DBN1: variants seen among roughly 807,000 people sequenced by gnomAD.
DBN1 encodes drebrin.
In DBN1, 21 loss-of-function variants were observed where a neutral mutation model predicts 83.5. The ratio of observed to expected loss-of-function variants is 0.25; its 90% CI spans 0.18 to 0.36. The LOEUF (loss-of-function observed/expected upper bound fraction) is 0.36. Ranked by LOEUF, DBN1 falls within the 10% of genes least tolerant of loss-of-function variation. DBN1 has a pLI of 1.00. For missense variants in DBN1, 874 were observed against 935.7 expected, an observed-to-expected ratio of 0.93 and a Z score of 0.86; for synonymous variants, 381 against 384.9, an observed-to-expected ratio of 0.99 and a Z score of 0.12.
rs1351240585 is a variant in DBN1 at position 177,458,323 on chromosome 5, A to G, written c.1649T>C (p.Val550Ala). The change falls in exon 13 of 15, where the codon GTC becomes GCC. Residue 550 changes from valine (V) to alanine (A), a missense_variant. Physicochemically the swap from Val to Ala is moderately conservative, Grantham distance 64 (BLOSUM62 0). Around this residue, in one of 4 missense-constraint regions of DBN1, gnomAD observed 725 missense variants for 719.7 expected, o/e 1.01. Transcript: ENST00000393565. ...RAPTPPSGTE[V>A]TLAEVPLLDE... ...CAGCAGGGGCACCTCTGCCAGGGTG[A>G]CCTCAGTACCCGAGGGTGGCGTGGG... The G allele has an allele frequency of 6.2e-7, 1 of 1,612,618 alleles. No individual in the cohort carries two copies. Among genetic ancestry groups the G allele is most frequent in the East Asian group, 2.2e-5 (1 of 44,856 alleles).
At chr5:177,460,220 C>T (rs1264109778) in intron 10 of DBN1, among the ~76,000 whole-genome samples, 2 of 152,238 alleles carry the variant, frequency 1.3e-5, no homozygotes, top group Non-Finnish European at 2.9e-5. Context: ...CTAGCACTCC[C>T]CACTGTTCAG....
At chr5:177,472,275 G>GT in intron 1 of DBN1, 1 of 1,605,742 alleles carries the variant, frequency 6.2e-7, no homozygotes, top group South Asian at 1.1e-5. Context: ...CAGTGTGCGG[G>GT]TGAGGCCAGC....
intron 1 of DBN1, among the ~76,000 whole-genome samples, chr5:177,469,320 C>T (rs983854204): frequency 1.3e-5 from 2 of 151,942 alleles, no homozygotes; most frequent in African/African-American, 2.4e-5. Flanking sequence ...CTGCCCCTCC[C>T]CCGGGGAGGG....
Position 177,459,733 on chromosome 5 carries a change from C to A in DBN1, c.963G>T (p.Pro321=). The part of the protein sequence containing the change: ...PSPFNHRPGR[P]YCPFIKASDS... The stretch of plus-strand genomic sequence containing the variant: ...CCGATGCCTTTATGAAAGGGCAGTA[C>A]GGACGACCTGCCGAGAGAGACAGAC... Residue 321 remains proline, a synonymous_variant, in exon 11 of 15, where the codon CCG becomes CCT. Coordinates refer to ENST00000393565, the MANE Select transcript of DBN1 (RefSeq NM_001363541.2). The A allele has an allele frequency of 6.6e-7, 1 of 1,522,614 alleles. No homozygotes were observed. Among genetic ancestry groups the A allele is most frequent in the East Asian group, 2.4e-5 (1 of 41,366 alleles). 94.3% of individuals were successfully genotyped at this position (1,522,614 alleles called of 1,614,324 possible). A position where few individuals can be genotyped will look rare whatever the true frequency, so the allele number is the denominator to read the frequency against.
chr5:177,473,587 G>A lies in DBN1; in HGVS notation c.-66C>T, dbSNP rs1758006592. The A allele has an allele frequency of 7.9e-6, 9 of 1,135,826 alleles. No homozygotes were observed. The highest frequency in any genetic ancestry group is 9.0e-6 in the Non-Finnish European group (8 of 885,700). The allele number at this position is 1,135,826 out of a possible 1,614,324, so 70.4% of individuals were successfully genotyped here. A position where few individuals can be genotyped will look rare whatever the true frequency, so the allele number is the denominator to read the frequency against. On this transcript the variant is annotated 5_prime_UTR_variant, in exon 1 of 15. Transcript: ENST00000393565. ...GGACGGGCGGACGGAGGAGGAGGGA[G>A]GGAAAGAGGGAGTCGCCGCCGCCGC... is the stretch of plus-strand genomic sequence containing the variant.
In DBN1 at chr5:177,472,078, G is replaced by A. The variant is rs376559226; in HGVS notation, c.86+1358C>T. ...GCAGGGCTGGGACAATGGGTGGGCC[G>A]CCTGCCTGCTGAGCCTGTGCCGGCC... On this transcript the variant is annotated intron_variant, in intron 1 of 14. Transcript: ENST00000393565. 5.0e-5 allele frequency: 80 copies of A among 1,584,556 alleles called. No individual in the cohort carries two copies. The African/African-American group carries it at 6.8e-4, about 14-fold the overall frequency.
In DBN1 at chr5:177,473,449, T is replaced by C; in HGVS notation, c.73A>G (p.Ser25Gly). ...CGGGGGGCTCACCAGTCGGCCGCGC[T>C]CTCCTCTCGGATCACCTCCTCGTAA... ...AAYEEVIREE[S>G]AADWALYTYE... Residue 25 changes from serine (S) to glycine (G), a missense_variant, in exon 1 of 15, where the codon AGC (serine) becomes GGC (glycine). Ser to Gly is a moderately conservative substitution (Grantham distance 56). This residue lies in a region of DBN1 where 82 missense variants were observed against 101.7 expected (regional missense o/e 0.81). Transcript: ENST00000393565. 1 of 1,422,304 alleles carries C rather than the reference T, an allele frequency of 7.0e-7. No homozygotes were observed. Among genetic ancestry groups the C allele is most frequent in the African/African-American group, 1.5e-5 (1 of 65,756 alleles). The allele number at this position is 1,422,304 out of a possible 1,614,324, so 88.1% of individuals were successfully genotyped here.
At position 177,467,905 on chromosome 5, in the gene DBN1, G is replaced by A. The variant is rs886305589; in HGVS notation, c.256-88C>T. 24 of 1,507,746 alleles carry A rather than the reference G, an allele frequency of 1.6e-5. No individual in the cohort carries two copies. The highest frequency in any genetic ancestry group is 1.9e-5 in the Non-Finnish European group (21 of 1,090,992). 93.4% of individuals were successfully genotyped at this position (1,507,746 alleles called of 1,614,324 possible). ...GCATCTTCCCCGGGGTGGGAAGAGG[G>A]TGGGCTTCCCTCTCCACGGGTGTCA... On this transcript the variant is annotated intron_variant, in intron 3 of 14. Transcript: ENST00000393565. The surrounding 1 kb of genome is among the most constrained non-coding windows in gnomAD (Gnocchi z 9.1).
At position 177,467,312 on chromosome 5, in the gene DBN1, C is replaced by T. The variant is rs1009266184; in HGVS notation, c.498G>A (p.Thr166=). 2.1e-5 allele frequency: 34 copies of T among 1,614,078 alleles called. No individual in the cohort carries two copies. The highest frequency in any genetic ancestry group is 4.5e-5 in the East Asian group (2 of 44,888). ...TCCGCTTCATTTCCACAGCTGCATC[C>T]GTCTTCTGGTAGGTGGTGCCCTGCA... ...AEPVGTTYQK[T]DAAVEMKRIN... Residue 166 remains threonine (T), a synonymous_variant, in exon 6 of 15, where the codon ACG becomes ACA. Coordinates refer to ENST00000393565, the MANE Select transcript of DBN1 (RefSeq NM_001363541.2). This position sits in a 1 kb window ranked among gnomAD's most constrained non-coding sequence, Gnocchi z 9.1.
Position 177,458,543 on chromosome 5 carries a change from C to A in DBN1, c.1429G>T (p.Val477Phe). The change falls in exon 13 of 15, where the codon GTC becomes TTC. Residue 477 changes from valine to phenylalanine, a missense_variant. Val to Phe is a conservative substitution (Grantham distance 50). Transcript: ENST00000393565. ...GCAGGCTCCACGGGAGCAGCCAGGA[C>A]AGCCTGCTCTGCAGACTCCATGAAC... Reference protein sequence around the residue: ...LMFMESAEQAVLAAPVEPATA... With the variant: ...LMFMESAEQAFLAAPVEPATA... 1 of 1,614,182 alleles carries A rather than the reference C, an allele frequency of 6.2e-7. No homozygotes were observed. Among genetic ancestry groups the A allele is most frequent in the Non-Finnish European group, 8.5e-7 (1 of 1,180,012 alleles).
rs200108947 is a variant in DBN1 at position 177,468,071 on chromosome 5, G to A, written c.255+37C>T. 3.2e-5 allele frequency: 24 copies of A among 748,018 alleles called. No homozygotes were observed. The African/African-American group carries it at 5.3e-4, about 17-fold the overall frequency. 46.3% of individuals were successfully genotyped at this position (748,018 alleles called of 1,614,324 possible). On this transcript the variant is annotated intron_variant, in intron 3 of 14. Coordinates refer to ENST00000393565, the MANE Select transcript of DBN1 (RefSeq NM_001363541.2). ...GCATACCCAGTTGATGAGCAGCTCTGGGCCCTCAGCCCCCTTCCCCAGCCC... is the reference window on the plus strand; with the variant it reads ...GCATACCCAGTTGATGAGCAGCTCTAGGCCCTCAGCCCCCTTCCCCAGCCC...
intron 3 of DBN1, 97 bp downstream of exon 3, chr5:177,468,004 TGAGCAGC>T: frequency 5.0e-6 from 4 of 798,768 alleles, no homozygotes; most frequent in South Asian, 1.5e-5. Flanking sequence ...ACCCAGTTGA[TGAGCAGC>T]TCTGGGCCCT....
chr5:177,459,362 G>C (rs757449081), intron 11 of DBN1, 94 bp from the exon 12 acceptor site: 183 of 1,520,644 alleles, frequency 1.2e-4, no homozygotes, highest in Non-Finnish European at 1.6e-4. Context: ...CTCCTCTCTG[G>C]AATCTGGGTG....
Position 177,459,184 on chromosome 5 carries a change from G to C in DBN1, c.1178C>G (p.Pro393Arg). Reference sequence around the variant, plus strand: ...GGCCCGCTCTATCTGCTCAGCGACAGGGGTGGAGGCGGTGCTGGAGTCAGA... The same window carrying C: ...GGCCCGCTCTATCTGCTCAGCGACACGGGTGGAGGCGGTGCTGGAGTCAGA... ...SPSDSSTAST[P>R]VAEQIERALD... The change falls in exon 12 of 15, where the codon CCT becomes CGT. Residue 393 changes from proline (P) to arginine (R), a missense_variant. By Grantham distance (103) the Pro-to-Arg change is moderately radical (BLOSUM62 -2). Transcript: ENST00000393565. 6.2e-7 allele frequency: 1 copy of C among 1,611,554 alleles called. No individual in the cohort carries two copies.
At position 177,467,270 on chromosome 5, in the gene DBN1, G is replaced by A; in HGVS notation, c.540C>T (p.Phe180=). The A allele has an allele frequency of 6.2e-7, 1 of 1,614,176 alleles. No individual in the cohort carries two copies. Among genetic ancestry groups the A allele is most frequent in the Non-Finnish European group, 8.5e-7 (1 of 1,180,006 alleles). Residue 180 remains phenylalanine (F), a synonymous_variant, in exon 6 of 15, where the codon TTC becomes TTT. Coordinates refer to ENST00000393565, the MANE Select transcript of DBN1 (RefSeq NM_001363541.2). This position sits in a 1 kb window ranked among gnomAD's most constrained non-coding sequence, Gnocchi z 9.1. ...GGTTCCATACCTTGGCCTGCTCCCA[G>A]AACTGCTCTCGGTTAATCCGCTTCA... is the stretch of plus-strand genomic sequence containing the variant. ...VEMKRINREQ[F]WEQAKKEEEL...
At position 177,457,763 on chromosome 5, in the gene DBN1, G is replaced by A. The variant is rs1391724957; in HGVS notation, c.1915-6C>T. ...CTGAAGTACCCCTCACTGGCCTGCA[G>A]GGGAAAGCATCAGGTCACTTGGCCC... On this transcript the variant is annotated splice_region_variant and splice_polypyrimidine_tract_variant and intron_variant, in intron 13 of 14. Coordinates refer to ENST00000393565, the MANE Select transcript of DBN1 (RefSeq NM_001363541.2). 5 of 1,590,830 alleles carry A rather than the reference G, an allele frequency of 3.1e-6. No individual in the cohort carries two copies. The highest frequency in any genetic ancestry group is 1.3e-5 in the African/African-American group (1 of 74,432).
At chr5:177,460,102 A>G (rs1483107763) in intron 10 of DBN1, among the ~76,000 whole-genome samples, 2 of 152,214 alleles carry the variant, frequency 1.3e-5, no homozygotes, top group South Asian at 2.1e-4. Flanking sequence ...GCAAGAGCCC[A>G]GCACGCATGC....
At chr5:177,472,340 A>C (rs1217306060) in intron 1 of DBN1, 1 of 1,504,192 alleles carries the variant, frequency 6.6e-7, no homozygotes, top group African/African-American at 1.4e-5. Context: ...CCTCAAGAAG[A>C]ACCTGTTCCC....
intron 8 of DBN1, 77 bp from the exon 9 acceptor site, chr5:177,460,780 T>C: frequency 6.9e-7 from 1 of 1,450,556 alleles, no homozygotes; most frequent in Non-Finnish European, 9.4e-7. Context: ...CTGTATTTTA[T>C]TTATTGATTT....
Sources: allele counts gnomAD v4.1 joint callset (sites outside exome capture counted in the v4.1 genomes callset), GRCh38; gene constraint gnomAD v4.1.1; regional missense constraint gnomAD v4.1.1; non-coding constraint Gnocchi (gnomAD v3.1); transcripts MANE v1.5; gene names NCBI Gene and HGNC (gene_info 2026-07-23, HGNC 2026-07-21).